Variants in SPRED2 observed in about 807,000 individuals in gnomAD.
SPRED2 encodes sprouty related EVH1 domain containing 2, also known as sprouty-related, EVH1 domain-containing protein 2.
A neutral mutation model predicts 43.0 loss-of-function variants in SPRED2; 47 were observed. The observed-to-expected ratio is 1.09, with a 90% CI of 0.87 to 1.40. SPRED2 has a LOEUF of 1.40. Among genes scored for constraint, SPRED2 ranks in the 40% most tolerant of loss-of-function variants. The pLI, the probability that SPRED2 is intolerant of heterozygous loss-of-function variation, is 0.00. For missense variants in SPRED2, 561 were observed against 586.4 expected (o/e 0.96, Z 0.45); for synonymous variants, 225 against 225.7 (o/e 1.00, Z 0.03).
In SPRED2 at chr2:65,314,065, G is replaced by A; in HGVS notation, c.693C>T (p.Tyr231=). Residue 231 remains tyrosine (Y), a synonymous_variant, in exon 6 of 6, where the codon TAC becomes TAT. Coordinates refer to ENST00000356388, the MANE Select transcript of SPRED2 (RefSeq NM_181784.3). ...EKIWMTGYED[Y]RHAPVRGKYP... ...ACTTGCCCCTGACGGGTGCGTGCCGGTAATCCTCGTACCCCGTCATCCAGA... is the reference window on the plus strand; with the variant it reads ...ACTTGCCCCTGACGGGTGCGTGCCGATAATCCTCGTACCCCGTCATCCAGA... 1 of 1,614,114 alleles carries A rather than the reference G, an allele frequency of 6.2e-7. No homozygotes were observed. Among genetic ancestry groups the A allele is most frequent in the African/African-American group, 1.3e-5 (1 of 75,058 alleles).
chr2:65,414,222 T>G (rs1469153912), intron 1 of SPRED2, among the ~76,000 whole-genome samples: 1 of 152,236 alleles, frequency 6.6e-6, no homozygotes, highest in Non-Finnish European at 1.5e-5. Flanking sequence ...AATTAAGTGA[T>G]TCTTAATTTC....
Position 65,432,104 on chromosome 2 carries a change from C to T in SPRED2, c.-117G>A, listed in dbSNP as rs991207638. ...GATCGCCTGATTTGGGGAGGGGGGG[C>T]GGCTAGAGATGAAGAGGGCGCCGCA... is the stretch of plus-strand genomic sequence containing the variant. On this transcript the variant is annotated 5_prime_UTR_variant, in exon 1 of 6. Transcript: ENST00000356388. The T allele has an allele frequency of 2.0e-5, 28 of 1,368,940 alleles. No homozygotes were observed. Among genetic ancestry groups the T allele is most frequent in the African/African-American group, 1.7e-4 (12 of 70,126 alleles). 84.8% of individuals were successfully genotyped at this position (1,368,940 alleles called of 1,614,324 possible).
chr2:65,348,962 A>G (rs1674428908), intron 1 of SPRED2, among the ~76,000 whole-genome samples: 1 of 152,240 alleles, frequency 6.6e-6, no homozygotes, highest in South Asian at 2.1e-4. Context: ...ATACATGTAC[A>G]TATATGACTA....
intron 1 of SPRED2, among the ~76,000 whole-genome samples, chr2:65,363,711 G>A (rs1169319146): frequency 3.9e-5 from 6 of 152,148 alleles, no homozygotes; most frequent in Non-Finnish European, 2.9e-5. Flanking sequence ...CGGACAGCAA[G>A]GACAGACTGC....
intron 1 of SPRED2, among the ~76,000 whole-genome samples, chr2:65,369,266 CAT>C (rs1675058367): frequency 1.2e-5 from 1 of 83,872 alleles, no homozygotes; most frequent in African/African-American, 2.9e-5. Flanking sequence ...CATACATACA[CAT>C]ACACACACAC....
At chr2:65,404,361 T>C (rs753605919) in intron 1 of SPRED2, among the ~76,000 whole-genome samples, 3 of 152,202 alleles carry the variant, frequency 2.0e-5, no homozygotes, top group Admixed American at 6.5e-5. Flanking sequence ...ATATATTACA[T>C]GTATTAGTGA....
intron 1 of SPRED2, among the ~76,000 whole-genome samples, chr2:65,402,754 A>G (rs961333794): frequency 2.0e-5 from 3 of 152,258 alleles, no homozygotes; most frequent in Non-Finnish European, 4.4e-5. Flanking sequence ...TTGGATTAAT[A>G]TAATTCCATA....
intron 4 of SPRED2, among the ~76,000 whole-genome samples, chr2:65,327,002 G>A (rs1199324299): frequency 2.0e-5 from 3 of 152,036 alleles, no homozygotes; most frequent in South Asian, 4.2e-4. Context: ...CACCATGCCT[G>A]GCTAATTTTT....
chr2:65,404,784 C>A (rs1219275250), intron 1 of SPRED2, among the ~76,000 whole-genome samples: 1 of 152,182 alleles, frequency 6.6e-6, no homozygotes, highest in Non-Finnish European at 1.5e-5. Flanking sequence ...CTGTTTCTTA[C>A]AAATGAGGGC....
intron 1 of SPRED2, among the ~76,000 whole-genome samples, chr2:65,385,067 G>A (rs1164667941): frequency 1.3e-5 from 2 of 149,364 alleles, no homozygotes; most frequent in East Asian, 4.0e-4. Context: ...CTGCCTCCCA[G>A]GTTCAAGCAA....
intron 1 of SPRED2, among the ~76,000 whole-genome samples, chr2:65,353,202 G>T (rs570613356): frequency 1.3e-5 from 2 of 152,182 alleles, no homozygotes; most frequent in Non-Finnish European, 2.9e-5. Context: ...GAATCTATGA[G>T]TAAAGCCAGT....
intron 1 of SPRED2, among the ~76,000 whole-genome samples, chr2:65,370,917 C>G (rs1045622027): frequency 1.3e-5 from 2 of 152,176 alleles, no homozygotes; most frequent in African/African-American, 4.8e-5. Flanking sequence ...AGAAACCACA[C>G]ATGTCCCCAG....
intron 1 of SPRED2, among the ~76,000 whole-genome samples, chr2:65,372,290 G>A (rs1675142801): frequency 1.3e-5 from 2 of 152,172 alleles, no homozygotes. Flanking sequence ...TAGTCGGCAG[G>A]CTTTGTCTAG....
chr2:65,376,892 T>C (rs1675253332), intron 1 of SPRED2, among the ~76,000 whole-genome samples: 1 of 152,156 alleles, frequency 6.6e-6, no homozygotes. Flanking sequence ...TTTTTTGTAT[T>C]TTTAGTAGAG....
intron 1 of SPRED2, among the ~76,000 whole-genome samples, chr2:65,399,949 T>C (rs1344080994): frequency 1.3e-5 from 2 of 152,130 alleles, no homozygotes; most frequent in African/African-American, 4.8e-5. Flanking sequence ...ACACCACCTG[T>C]TCCCCCAAAA....
At chr2:65,401,960 C>CACACACACACAT (rs1675910615) in intron 1 of SPRED2, among the ~76,000 whole-genome samples, 1 of 151,158 alleles carries the variant, frequency 6.6e-6, no homozygotes, top group Admixed American at 6.6e-5. Flanking sequence ...CACACACACA[C>CACACACACACAT]ACACACACAC....
intron 1 of SPRED2, among the ~76,000 whole-genome samples, chr2:65,361,228 A>G (rs529538013): frequency 6.6e-6 from 1 of 152,352 alleles, no homozygotes; most frequent in Non-Finnish European, 1.5e-5. Flanking sequence ...AGACCTTCTC[A>G]AGAAAACTAT....
chr2:65,427,475 C>T (rs752878813), intron 1 of SPRED2, among the ~76,000 whole-genome samples: 3 of 152,176 alleles, frequency 2.0e-5, no homozygotes, highest in Non-Finnish European at 4.4e-5. Flanking sequence ...CTTTTTAAGG[C>T]AAACACAAAG....
At position 65,431,745 on chromosome 2, in the gene SPRED2, C is replaced by T. The variant is rs572652794; in HGVS notation, c.26+217G>A. 3.9e-5 allele frequency among the ~76,000 whole-genome samples: 6 copies of T among 152,258 alleles called. No homozygotes were observed. In the South Asian group the frequency reaches 1.2e-3, roughly 32 times the overall value. ...CTTGGCCCCCGGAGCTGCCACCAGC[C>T]CGCCGACCCTAGGCGTGCGCCCGCC... On this transcript the variant is annotated intron_variant, in intron 1 of 5. Transcript: ENST00000356388.
Sources: allele counts gnomAD v4.1 joint callset (sites outside exome capture counted in the v4.1 genomes callset), GRCh38; gene constraint gnomAD v4.1.1; transcripts MANE v1.5; gene names NCBI Gene and HGNC (gene_info 2026-07-23, HGNC 2026-07-21).